CORO7: variants seen among roughly 807,000 people sequenced by gnomAD.
CORO7 encodes coronin 7, also known as coronin-7.
CORO7 carries 107 observed loss-of-function variants against 126.6 expected under a neutral mutation model. The ratio of observed to expected loss-of-function variants is 0.85; its 90% CI spans 0.72 to 0.99. The LOEUF (loss-of-function observed/expected upper bound fraction) is 0.99, where lower values mean the gene tolerates loss of function less well. Ranked by LOEUF, CORO7 falls within the 50% of genes least tolerant of loss-of-function variation. The pLI, the probability that CORO7 is intolerant of heterozygous loss-of-function variation, is 0.00. For missense variants in CORO7, 1,314 were observed against 1,255.8 expected (o/e 1.05, Z -0.70); for synonymous variants, 603 against 536.8 (o/e 1.12, Z -1.70).
chr16:4,365,133 C>T (rs559212021), intron 10 of CORO7, 73 bp from the exon 11 acceptor site: 1 of 1,542,688 alleles, frequency 6.5e-7, no homozygotes, highest in Admixed American at 2.0e-5. Flanking sequence ...GCATCAGCTC[C>T]CCCACAGGTC....
chr16:4,364,702 A>G lies in CORO7; in HGVS notation c.1045-13T>C, dbSNP rs751259564. On this transcript the variant is annotated splice_polypyrimidine_tract_variant and intron_variant, in intron 12 of 27. Transcript: ENST00000251166. Reference sequence around the variant, plus strand: ...GGAACTCCACAGCCTGGCCGCAGACAAGCAGGCAGCTAGTGAGGCCCAGGC... The same window carrying G: ...GGAACTCCACAGCCTGGCCGCAGACGAGCAGGCAGCTAGTGAGGCCCAGGC... The G allele has an allele frequency of 4.4e-6, 7 of 1,586,116 alleles. No individual in the cohort carries two copies. In the African/African-American group the frequency reaches 9.4e-5, roughly 21 times the overall value.
At chr16:4,403,918 G>C (rs775136096) in intron 6 of CORO7, among the ~76,000 whole-genome samples, 6 of 152,068 alleles carry the variant, frequency 3.9e-5, no homozygotes, top group Admixed American at 3.9e-4. Flanking sequence ...GACCGGCCTC[G>C]AGCTCACTCT....
chr16:4,361,233 C>G lies in CORO7; in HGVS notation c.1703G>C (p.Arg568Thr). Residue 568 changes from arginine (R) to threonine (T), a missense_variant, in exon 18 of 28, where the codon AGG (arginine) becomes ACG (threonine). By Grantham distance (71) the Arg-to-Thr change is moderately conservative. Transcript: ENST00000251166. ...HRLAVAGEDA[R>T]IRLWRVPAEG... The stretch of plus-strand genomic sequence containing the variant: ...TGCGGGTACCCGCCACAGTCGGATC[C>G]TGGCGTCCTCACCAGCTGCAGAGGA... 1.2e-6 allele frequency: 2 copies of G among 1,612,754 alleles called. No homozygotes were observed. Among genetic ancestry groups the G allele is most frequent in the South Asian group, 2.2e-5 (2 of 91,082 alleles).
At chr16:4,394,681 A>C (rs1274737663) in intron 7 of CORO7, among the ~76,000 whole-genome samples, 1 of 152,208 alleles carries the variant, frequency 6.6e-6, no homozygotes, top group Non-Finnish European at 1.5e-5. Flanking sequence ...TAGCACAGGC[A>C]ATGTTTACGG....
chr16:4,375,739 C>T (rs1042634751), intron 9 of CORO7, among the ~76,000 whole-genome samples: 3 of 152,242 alleles, frequency 2.0e-5, no homozygotes, highest in African/African-American at 4.8e-5. Context: ...CGTCCTACCT[C>T]GGCCTCCCAA....
chr16:4,361,482 C>A lies in CORO7; in HGVS notation c.1579-13G>T. 6.2e-7 allele frequency: 1 copy of A among 1,610,116 alleles called. No homozygotes were observed. Among genetic ancestry groups the A allele is most frequent in the South Asian group, 1.1e-5 (1 of 90,974 alleles). ...CAGGCTTCCGTAGCTGTGGGAGGTG[C>A]CCCCACCCCGAGGCCCATCAGTACC... On this transcript the variant is annotated splice_polypyrimidine_tract_variant and intron_variant, in intron 16 of 27. Coordinates refer to ENST00000251166, the MANE Select transcript of CORO7 (RefSeq NM_024535.5).
intron 6 of CORO7, among the ~76,000 whole-genome samples, chr16:4,399,190 G>A (rs970455286): frequency 1.3e-5 from 2 of 152,196 alleles, no homozygotes; most frequent in South Asian, 2.1e-4. Context: ...GCACACCCAT[G>A]TTCATAGCAG....
chr16:4,362,699 A>G lies in CORO7; in HGVS notation c.1315T>C (p.Ser439Pro). The stretch of plus-strand genomic sequence containing the variant: ...GAGGGCCCCAGGCTGGAGGGCGTGG[A>G]GGGCGAGGTCAGCGAACTGGGAGGG... ...SSPPSSLTSP[S>P]TPSSLGPSLS... The change falls in exon 15 of 28, where the codon TCC becomes CCC. Residue 439 changes from serine to proline, a missense_variant. Coordinates refer to ENST00000251166, the MANE Select transcript of CORO7 (RefSeq NM_024535.5). This position sits in a 1 kb window ranked among gnomAD's most constrained non-coding sequence, Gnocchi z 5.3. The G allele has an allele frequency of 6.8e-7, 1 of 1,465,520 alleles. No homozygotes were observed. The highest frequency in any genetic ancestry group is 1.5e-5 in the African/African-American group (1 of 68,424). 90.8% of individuals were successfully genotyped at this position (1,465,520 alleles called of 1,614,324 possible).
chr16:4,381,736 T>C (rs2054979379), intron 9 of CORO7: 2 of 1,605,104 alleles, frequency 1.2e-6, no homozygotes, highest in Non-Finnish European at 1.7e-6. Flanking sequence ...CTCGGGCCTC[T>C]TCCCCCGCCT....
intron 6 of CORO7, among the ~76,000 whole-genome samples, chr16:4,404,180 C>G (rs1180327469): frequency 6.6e-6 from 1 of 152,238 alleles, no homozygotes; most frequent in Non-Finnish European, 1.5e-5. Flanking sequence ...ATGCTCAGGT[C>G]TGGTAGGCCT....
At chr16:4,382,818 C>T (rs768750137) in intron 9 of CORO7, 117 of 1,596,142 alleles carry the variant, frequency 7.3e-5, no homozygotes, top group Non-Finnish European at 9.5e-5. Flanking sequence ...CCCTGCCCAG[C>T]GGGTCTGAGT....
intron 7 of CORO7, among the ~76,000 whole-genome samples, chr16:4,390,385 G>A (rs2055345667): frequency 6.6e-6 from 1 of 152,246 alleles, no homozygotes; most frequent in Non-Finnish European, 1.5e-5. Context: ...AGAAGGCTCA[G>A]GATTGTGTCT....
In CORO7 at chr16:4,359,165, C is replaced by T. The variant is rs1439920080; in HGVS notation, c.2340+131G>A. 6.9e-6 allele frequency: 7 copies of T among 1,015,930 alleles called. No individual in the cohort carries two copies. In the Admixed American group the frequency reaches 1.5e-4, roughly 22 times the overall value. 62.9% of individuals were successfully genotyped at this position (1,015,930 alleles called of 1,614,324 possible). Reference sequence around the variant, plus strand: ...AACTCTTCTTGCCAGTCACTGGGCACAGCCCCAGGCCCAGCCCCAGCCCAG... The same window carrying T: ...AACTCTTCTTGCCAGTCACTGGGCATAGCCCCAGGCCCAGCCCCAGCCCAG... On this transcript the variant is annotated intron_variant, in intron 23 of 27. Transcript: ENST00000251166.
At chr16:4,403,442 C>T (rs1032039358) in intron 6 of CORO7, among the ~76,000 whole-genome samples, 8 of 152,092 alleles carry the variant, frequency 5.3e-5, no homozygotes, top group African/African-American at 9.7e-5. Context: ...TCCCCGCAGG[C>T]GGAATTCCTA....
chr16:4,380,890 G>C, intron 9 of CORO7: 1 of 1,539,430 alleles, frequency 6.5e-7, no homozygotes, highest in Non-Finnish European at 8.7e-7. Context: ...GTGCTCCAGG[G>C]TCCCTCTGCT....
chr16:4,360,874 G>C, intron 19 of CORO7, 69 bp downstream of exon 19: 3 of 342,410 alleles, frequency 8.8e-6, no homozygotes, highest in Non-Finnish European at 1.4e-5. Flanking sequence ...CCTCACTGCT[G>C]GCCCCACCTC....
At chr16:4,388,980 C>T (rs981353806) in intron 7 of CORO7, among the ~76,000 whole-genome samples, 8 of 152,212 alleles carry the variant, frequency 5.3e-5, no homozygotes. Context: ...CACTTTCTTG[C>T]CCCTAAGAGC....
At chr16:4,355,211 A>G in intron 27 of CORO7, 48 bp from the exon 28 acceptor site, 1 of 1,585,324 alleles carries the variant, frequency 6.3e-7, no homozygotes, top group Non-Finnish European at 8.6e-7. Flanking sequence ...GGGCCTGGGA[A>G]GGGAGGAGGC....
rs1420290851 is a variant in CORO7 at position 4,358,502 on chromosome 16, C to G, written c.2341-19G>C. 99 of 1,567,340 alleles carry G rather than the reference C, an allele frequency of 6.3e-5. 1 individual carries two copies. Among genetic ancestry groups the G allele is most frequent in the Non-Finnish European group, 8.4e-5 (97 of 1,153,188 alleles). On this transcript the variant is annotated intron_variant, in intron 23 of 27. Coordinates refer to ENST00000251166, the MANE Select transcript of CORO7 (RefSeq NM_024535.5). ...CGAGGCCCTGGGGGAGCAAGGGAGTCGGAGCTGCCGCTGGGACCTAGAGCT... is the reference window on the plus strand; with the variant it reads ...CGAGGCCCTGGGGGAGCAAGGGAGTGGGAGCTGCCGCTGGGACCTAGAGCT...
Sources: gnomAD v4.1 joint callset for allele counts (sites outside exome capture counted in the v4.1 genomes callset) on GRCh38, gnomAD v4.1.1 for gene constraint, Gnocchi (gnomAD v3.1) non-coding constraint, MANE v1.5 for transcripts, NCBI Gene and HGNC (gene_info 2026-07-23, HGNC 2026-07-21) for gene names.